The following PCSK5 variants were observed in gnomAD, a reference collection of about 807,000 sequenced individuals.
PCSK5 encodes the protein prohormone convertase 5.
Under a neutral mutation model 233.2 loss-of-function variants are expected in PCSK5, and 129 were observed. The ratio of observed to expected loss-of-function variants is 0.55; its 90% confidence interval spans 0.48 to 0.64. The LOEUF is 0.64. Among genes scored for constraint, PCSK5 ranks in the 30% least tolerant of loss-of-function variants. PCSK5 has a pLI of 0.00. For synonymous variants in PCSK5, 825 were observed against 879.2 expected (o/e 0.94, Z 1.09); for missense variants, 2,076 against 2,430.1 (o/e 0.85, Z 3.06).
At chr9:75,997,912 T>C (rs188340129) in intron 3 of PCSK5, among the ~76,000 whole-genome samples, 2 of 152,326 alleles carry the variant, frequency 1.3e-5, no homozygotes, top group East Asian at 3.9e-4. Flanking sequence ...CTACTTCTTT[T>C]CTCTTTTAGT....
chr9:76,099,797 A>T (rs1230529759), intron 8 of PCSK5, among the ~76,000 whole-genome samples: 1 of 152,132 alleles, frequency 6.6e-6, no homozygotes, highest in African/African-American at 2.4e-5. Flanking sequence ...CAGGAATGGC[A>T]GTGCCTGTCT....
chr9:76,298,457 A>C (rs1388733686), intron 27 of PCSK5, among the ~76,000 whole-genome samples: 1 of 152,210 alleles, frequency 6.6e-6, no homozygotes, highest in African/African-American at 2.4e-5. Context: ...CATTCCCATG[A>C]CCTATGAAAT....
intron 5 of PCSK5, among the ~76,000 whole-genome samples, chr9:76,031,010 TG>T (rs1828632693): frequency 6.6e-6 from 1 of 152,146 alleles, no homozygotes; most frequent in African/African-American, 2.4e-5. Flanking sequence ...TTTTCACAGG[TG>T]TAACACCAGC....
At chr9:76,278,704 T>TCCAC (rs1827769364) in intron 24 of PCSK5, among the ~76,000 whole-genome samples, 1 of 152,062 alleles carries the variant, frequency 6.6e-6, no homozygotes, top group Non-Finnish European at 1.5e-5. Context: ...TATCTATCCA[T>TCCAC]CCATCCATCC....
In PCSK5 at chr9:75,890,891, C is replaced by A; in HGVS notation, c.-291C>A. ...GAAACCCAACTGCGGAGGACGCCCGCCCCACTCAGCCTCCTCCTGCGTCCG... is the reference window on the plus strand; with the variant it reads ...GAAACCCAACTGCGGAGGACGCCCGACCCACTCAGCCTCCTCCTGCGTCCG... On this transcript the variant is annotated 5_prime_UTR_variant, in exon 1 of 38. Coordinates refer to ENST00000674117, the MANE Select transcript of PCSK5 (RefSeq NM_001372043.1). The A allele has an allele frequency of 3.0e-6, 1 of 332,500 alleles. No individual in the cohort carries two copies. Among genetic ancestry groups the A allele is most frequent in the South Asian group, 1.4e-4 (1 of 7,370 alleles). 20.6% of individuals were successfully genotyped at this position (332,500 alleles called of 1,614,324 possible).
chr9:76,307,322 G>T (rs1828732935), intron 28 of PCSK5, among the ~76,000 whole-genome samples: 1 of 152,174 alleles, frequency 6.6e-6, no homozygotes, highest in South Asian at 2.1e-4. Flanking sequence ...GAGAAAGGGA[G>T]GGAGGAGGTA....
intron 7 of PCSK5, among the ~76,000 whole-genome samples, chr9:76,085,470 T>G (rs1831027099): frequency 6.6e-6 from 1 of 152,240 alleles, no homozygotes; most frequent in Admixed American, 6.5e-5. Context: ...TGAATAAGAT[T>G]GCACATATGA....
At chr9:76,127,998 C>T (rs1360296034) in intron 9 of PCSK5, among the ~76,000 whole-genome samples, 2 of 152,106 alleles carry the variant, frequency 1.3e-5, no homozygotes, top group Admixed American at 6.5e-5. Flanking sequence ...GATTAAGAGG[C>T]TGTAGAATGC....
At chr9:76,044,093 A>C (rs1829266434) in intron 5 of PCSK5, among the ~76,000 whole-genome samples, 1 of 152,208 alleles carries the variant, frequency 6.6e-6, no homozygotes, top group African/African-American at 2.4e-5. Context: ...AATAAATATA[A>C]ATGTTGGTCT....
chr9:76,177,022 G>T (rs1823644003), intron 14 of PCSK5, among the ~76,000 whole-genome samples: 1 of 152,164 alleles, frequency 6.6e-6, no homozygotes, highest in South Asian at 2.1e-4. Flanking sequence ...AGGTGCGGTG[G>T]CCCACGCCTG....
intron 5 of PCSK5, among the ~76,000 whole-genome samples, chr9:76,066,181 A>G (rs1830280743): frequency 1.3e-5 from 2 of 152,240 alleles, no homozygotes; most frequent in African/African-American, 4.8e-5. Flanking sequence ...TGTAATTGGT[A>G]TTTTGATAGG....
chr9:76,351,543 AAG>A (rs746628099), intron 36 of PCSK5, among the ~76,000 whole-genome samples: 3 of 131,320 alleles, frequency 2.3e-5, no homozygotes, highest in Non-Finnish European at 5.1e-5. Flanking sequence ...GAAGGAAAGA[AAG>A]AGAAAGAAGA....
At chr9:76,266,404 G>A (rs758876733) in intron 24 of PCSK5, among the ~76,000 whole-genome samples, 15 of 152,128 alleles carry the variant, frequency 9.9e-5, no homozygotes, top group Non-Finnish European at 1.8e-4. Context: ...ATGGCAGCTT[G>A]GGTCAATCAC....
At chr9:76,082,228 A>G (rs913087340) in intron 7 of PCSK5, among the ~76,000 whole-genome samples, 2 of 152,176 alleles carry the variant, frequency 1.3e-5, no homozygotes, top group African/African-American at 2.4e-5. Context: ...TTCATTTACC[A>G]TGGTGAGCCT....
intron 35 of PCSK5, among the ~76,000 whole-genome samples, chr9:76,343,885 G>A (rs1829905158): frequency 6.6e-6 from 1 of 151,962 alleles, no homozygotes; most frequent in Non-Finnish European, 1.5e-5. Flanking sequence ...TGTACTTAGT[G>A]GTGTAGCAGC....
At chr9:76,271,284 C>G (rs1827504119) in intron 24 of PCSK5, among the ~76,000 whole-genome samples, 1 of 152,182 alleles carries the variant, frequency 6.6e-6, no homozygotes, top group Non-Finnish European at 1.5e-5. Flanking sequence ...AATTAGATCT[C>G]TGAACTGCGA....
rs913245061 is a variant in PCSK5, at chr9:75,990,171, C to T, written c.411+3926C>T. ...ACAGCCCAGGCAAGGTGCTGATACC[C>T]TTCTTCCTTTTCCTGAGCCCTGAGC... On this transcript the variant is annotated intron_variant, in intron 3 of 37. Coordinates refer to ENST00000674117, the MANE Select transcript of PCSK5 (RefSeq NM_001372043.1). Among the ~76,000 whole-genome samples the T allele has an allele frequency of 1.6e-4, 25 of 152,182 alleles. 1 individual carries two copies. Among genetic ancestry groups the T allele is most frequent in the Non-Finnish European group, 2.6e-4 (18 of 68,026 alleles).
At chr9:75,907,504 T>A (rs1164852933) in intron 1 of PCSK5, among the ~76,000 whole-genome samples, 1 of 152,194 alleles carries the variant, frequency 6.6e-6, no homozygotes, top group Non-Finnish European at 1.5e-5. Context: ...CTAGCCCTTA[T>A]CTTTTAGTGT....
At chr9:75,953,909 TG>T (rs1203153024) in intron 2 of PCSK5, among the ~76,000 whole-genome samples, 1 of 152,126 alleles carries the variant, frequency 6.6e-6, no homozygotes, top group Non-Finnish European at 1.5e-5. Flanking sequence ...TGAAGTCCTG[TG>T]GGGGAAGGCC....
Sources: allele counts gnomAD v4.1 joint callset (sites outside exome capture counted in the v4.1 genomes callset), GRCh38; gene constraint gnomAD v4.1.1; transcripts MANE v1.5; gene names NCBI Gene and HGNC (gene_info 2026-07-23, HGNC 2026-07-21).